Variants in UPB1 observed in about 807,000 individuals in gnomAD.
UPB1 encodes the protein beta-ureidopropionase.
A neutral mutation model predicts 49.1 loss-of-function variants in UPB1; 40 were observed. That is an observed-to-expected ratio of 0.81 (90% confidence interval 0.63 to 1.06). UPB1 has a LOEUF of 1.06. Among genes scored for constraint, UPB1 ranks in the 50% least tolerant of loss-of-function variants. The pLI is 0.00. For synonymous variants in UPB1, 207 were observed against 198.2 expected, an observed-to-expected ratio of 1.04 and a Z score of -0.38; for missense variants, 499 against 505.9, an observed-to-expected ratio of 0.99 and a Z score of 0.13.
At chr22:24,513,907 CTG>C (rs1465791106) in intron 5 of UPB1, among the ~76,000 whole-genome samples, 1 of 152,160 alleles carries the variant, frequency 6.6e-6, no homozygotes, top group Non-Finnish European at 1.5e-5. Flanking sequence ...CATTCCTTGT[CTG>C]TGGATCATGG....
chr22:24,500,348 G>C, intron 2 of UPB1, 70 bp downstream of exon 2: 4 of 1,600,222 alleles, frequency 2.5e-6, no homozygotes, highest in Non-Finnish European at 3.4e-6. Flanking sequence ...ACACCTGCAG[G>C]CCCTGGCTGG....
At chr22:24,497,084 ACT>A (rs1400009541) in intron 1 of UPB1, among the ~76,000 whole-genome samples, 1 of 151,862 alleles carries the variant, frequency 6.6e-6, no homozygotes, top group African/African-American at 2.4e-5. Context: ...AACGGGAGAG[ACT>A]CTTTAACAGC....
chr22:24,522,376 C>T (rs1302639596), intron 8 of UPB1, among the ~76,000 whole-genome samples: 1 of 152,176 alleles, frequency 6.6e-6, no homozygotes, highest in Non-Finnish European at 1.5e-5. Context: ...TTCCTTTGTC[C>T]TTGTCCCCCC....
chr22:24,501,206 G>A (rs997200577), intron 2 of UPB1, among the ~76,000 whole-genome samples: 3 of 152,166 alleles, frequency 2.0e-5, no homozygotes, highest in African/African-American at 7.2e-5. Context: ...TGTTTGCGGG[G>A]CTGATGCTGT....
At chr22:24,513,274 A>G (rs1181237106) in intron 4 of UPB1, 50 bp from the exon 5 acceptor site, 4 of 1,613,232 alleles carry the variant, frequency 2.5e-6, no homozygotes, top group Non-Finnish European at 1.7e-6. Context: ...ATAAAAAACT[A>G]CAACAATTGG....
In UPB1 at chr22:24,525,830, C is replaced by T. The variant is rs369314475; in HGVS notation, c.*36C>T. 4.3e-6 allele frequency: 7 copies of T among 1,611,432 alleles called. No individual in the cohort carries two copies. The highest frequency in any genetic ancestry group is 1.3e-5 in the African/African-American group (1 of 74,948). On this transcript the variant is annotated 3_prime_UTR_variant, in exon 10 of 10. Transcript: ENST00000326010. Reference sequence around the variant, plus strand: ...TGCCTGCCTTGGGGTGAGGAAGACACCTCTGCCCCAGTGGATTAGCAAGTG... The same window carrying T: ...TGCCTGCCTTGGGGTGAGGAAGACATCTCTGCCCCAGTGGATTAGCAAGTG...
rs1158443332 is a variant in UPB1 at position 24,526,307 on chromosome 22, T to C, written c.*513T>C. 9.3e-6 allele frequency: 2 copies of C among 216,138 alleles called. No individual in the cohort carries two copies. Among genetic ancestry groups the C allele is most frequent in the Admixed American group, 5.3e-5 (1 of 19,006 alleles). 13.4% of individuals were successfully genotyped at this position (216,138 alleles called of 1,614,324 possible). On this transcript the variant is annotated 3_prime_UTR_variant, in exon 10 of 10. Transcript: ENST00000326010. ...ATCTAGGTATTTCTGTGAAGGTATT[T>C]TGTAGATGTGACAGAAGTCCATTCC...
At chr22:24,515,114 G>T in intron 5 of UPB1, 87 bp from the exon 6 acceptor site, 1 of 1,542,334 alleles carries the variant, frequency 6.5e-7, no homozygotes, top group African/African-American at 1.4e-5. Flanking sequence ...ACCACCTCTG[G>T]ACTATTGGTG....
intron 3 of UPB1, among the ~76,000 whole-genome samples, chr22:24,508,875 C>A (rs1357704198): frequency 6.6e-6 from 1 of 151,928 alleles, no homozygotes; most frequent in African/African-American, 2.4e-5. Context: ...GAACAAGACT[C>A]CATCTCAAAA....
intron 8 of UPB1, 61 bp downstream of exon 8, chr22:24,522,089 G>C: frequency 6.3e-7 from 1 of 1,586,300 alleles, no homozygotes; most frequent in Non-Finnish European, 8.6e-7. Flanking sequence ...CCCCTTCTCT[G>C]TCTGCTTCCT....
chr22:24,524,409 AAAGGCTC>A, intron 9 of UPB1, among the ~76,000 whole-genome samples: 1 of 152,218 alleles, frequency 6.6e-6, no homozygotes, highest in East Asian at 1.9e-4. Flanking sequence ...TCCACCCTAG[AAAGGCTC>A]ACAGCTTCAG....
Position 24,513,488 on chromosome 22 carries a change from G to A in UPB1, c.621+3G>A, listed in dbSNP as rs200401813. Reference sequence around the variant, plus strand: ...CCAGAGTGGGTGATTTCAACGAGGTGAGCCACCCATAAGATAGATAACCAG... The same window carrying A: ...CCAGAGTGGGTGATTTCAACGAGGTAAGCCACCCATAAGATAGATAACCAG... On this transcript the variant is annotated splice_donor_region_variant and intron_variant, in intron 5 of 9. Coordinates refer to ENST00000326010, the MANE Select transcript of UPB1 (RefSeq NM_016327.3). 6.2e-7 allele frequency: 1 copy of A among 1,613,604 alleles called. No individual in the cohort carries two copies. The highest frequency in any genetic ancestry group is 8.5e-7 in the Non-Finnish European group (1 of 1,179,876).
chr22:24,496,705 G>T (rs1406498708), intron 1 of UPB1, among the ~76,000 whole-genome samples: 2 of 152,166 alleles, frequency 1.3e-5, no homozygotes. Context: ...GGAGGAGCAG[G>T]TACAAAAGAG....
At chr22:24,512,005 TTTTCA>T (rs2044215119) in intron 4 of UPB1, among the ~76,000 whole-genome samples, 1 of 152,066 alleles carries the variant, frequency 6.6e-6, no homozygotes, top group Admixed American at 6.5e-5. Context: ...ACAATAACTC[TTTTCA>T]TTTCTTTGTA....
chr22:24,521,337 G>T (rs983142832), intron 7 of UPB1, among the ~76,000 whole-genome samples: 2 of 151,952 alleles, frequency 1.3e-5, no homozygotes, highest in African/African-American at 2.4e-5. Context: ...CAAAAAATTA[G>T]CCGGGCGCGG....
intron 6 of UPB1, 98 bp downstream of exon 6, chr22:24,515,468 A>G: frequency 7.2e-6 from 11 of 1,525,186 alleles, no homozygotes; most frequent in Non-Finnish European, 1.0e-5. Context: ...AGGCAGGCGC[A>G]GCCACCAGGA....
intron 7 of UPB1, 128 bp from the exon 8 acceptor site, chr22:24,521,858 C>T (rs2044398874): frequency 3.2e-6 from 3 of 937,676 alleles, no homozygotes; most frequent in South Asian, 2.8e-5. Flanking sequence ...CATTCCAGCT[C>T]ACCTTAACTG....
At chr22:24,510,884 T>G (rs771798127) in intron 4 of UPB1, 41 bp downstream of exon 4, 1 of 1,599,716 alleles carries the variant, frequency 6.3e-7, no homozygotes. Context: ...CTGCCAAATA[T>G]GTGCAAGTCA....
Position 24,523,600 on chromosome 22 carries a change from T to C in UPB1, c.917-19T>C. 6.2e-7 allele frequency: 1 copy of C among 1,614,138 alleles called. No homozygotes were observed. Among genetic ancestry groups the C allele is most frequent in the Non-Finnish European group, 8.5e-7 (1 of 1,180,030 alleles). ...GCATCTACACAAGCTCACAGATGTG[T>C]TTCTTTGTTCCTTTAAAGCTCACCA... On this transcript the variant is annotated intron_variant, in intron 8 of 9. Transcript: ENST00000326010.
Sources: gnomAD v4.1 joint callset for allele counts (sites outside exome capture counted in the v4.1 genomes callset) on GRCh38, gnomAD v4.1.1 for gene constraint, MANE v1.5 for transcripts, NCBI Gene and HGNC (gene_info 2026-07-23, HGNC 2026-07-21) for gene names.